HFM1: variants seen among roughly 807,000 people sequenced by gnomAD.
HFM1 encodes probable ATP-dependent DNA helicase HFM1.
In HFM1, 169 loss-of-function variants were observed where a neutral mutation model predicts 192.1. The observed-to-expected ratio is 0.88, with a 90% CI of 0.78 to 1.00. The LOEUF (loss-of-function observed/expected upper bound fraction) is 1.00. HFM1 is among the 50% of genes least tolerant of loss of function. The pLI, the probability that HFM1 is intolerant of heterozygous loss-of-function variation, is 0.00. For missense variants in HFM1, 1,661 were observed against 1,668.0 expected (o/e 1.00, Z 0.07); for synonymous variants, 525 against 537.8 (o/e 0.98, Z 0.33).
At chr1:91,375,321 A>G in intron 13 of HFM1, 37 bp downstream of exon 13, 1 of 1,488,556 alleles carries the variant, frequency 6.7e-7, no homozygotes. Context: ...GAGCCCTAAA[A>G]GTCCTTCTAC....
chr1:91,301,042 T>C (rs183622140), intron 30 of HFM1, among the ~76,000 whole-genome samples: 300 of 152,372 alleles, frequency 2.0e-3, no homozygotes, highest in Admixed American at 3.9e-3. Flanking sequence ...AACCCCATCA[T>C]CTCAGCCCAA....
In HFM1 at chr1:91,315,989, G is replaced by C; in HGVS notation, c.2983-17C>G. On this transcript the variant is annotated splice_polypyrimidine_tract_variant and intron_variant, in intron 27 of 38. Transcript: ENST00000370425. The stretch of plus-strand genomic sequence containing the variant: ...TCTTGTAATCTTTAAAAAAGGACAA[G>C]TATAAAAAGTGTTAAAAATAACCTT... 1 of 1,558,894 alleles carries C rather than the reference G, an allele frequency of 6.4e-7. No homozygotes were observed. Among genetic ancestry groups the C allele is most frequent in the Non-Finnish European group, 8.8e-7 (1 of 1,135,472 alleles).
At chr1:91,386,053 T>C (rs991287597) in intron 4 of HFM1, among the ~76,000 whole-genome samples, 17 of 152,186 alleles carry the variant, frequency 1.1e-4, no homozygotes, top group African/African-American at 4.1e-4. Flanking sequence ...GTGGCAGTCA[T>C]CCTCCAAAAC....
Position 91,314,078 on chromosome 1 carries a change from TTAAA to T in HFM1, c.3141-22_3141-19del, listed in dbSNP as rs750611936. 2 of 1,437,090 alleles carry T rather than the reference TTAAA, an allele frequency of 1.4e-6. No individual in the cohort carries two copies. The highest frequency in any genetic ancestry group is 1.2e-5 in the South Asian group (1 of 84,470). The allele number at this position is 1,437,090 out of a possible 1,614,324, so 89.0% of individuals were successfully genotyped here. A position where few individuals can be genotyped will look rare whatever the true frequency, so the allele number is the denominator to read the frequency against. On this transcript the variant is annotated intron_variant, in intron 28 of 38. Coordinates refer to ENST00000370425, the MANE Select transcript of HFM1 (RefSeq NM_001017975.6). ...CAGAATCCCTGAAAAATAGTATAGTTTAAATAGTGATCCAAACACTGAATGAAAT... is the reference window on the plus strand; with the variant it reads ...CAGAATCCCTGAAAAATAGTATAGTTTAGTGATCCAAACACTGAATGAAAT...
Position 91,273,793 on chromosome 1 carries a change from C to G in HFM1, c.3691G>C (p.Glu1231Gln). The change falls in exon 34 of 39, where the codon GAA becomes CAA. Residue 1231 changes from glutamate to glutamine, a missense_variant. By Grantham distance (29) the Glu-to-Gln change is conservative (BLOSUM62 2). Transcript: ENST00000370425. ...ISRSEYLNIS[E>Q]LPIMEQWDQP... ...TCCCACTGCTCCATTATAGGCAATT[C>G]AGATATGTTTAAATATTCTGACCTT... 6.3e-7 allele frequency: 1 copy of G among 1,585,820 alleles called. No individual in the cohort carries two copies. Among genetic ancestry groups the G allele is most frequent in the Non-Finnish European group, 8.6e-7 (1 of 1,156,660 alleles).
chr1:91,268,412 T>C (rs1665965299), intron 34 of HFM1, among the ~76,000 whole-genome samples: 1 of 152,034 alleles, frequency 6.6e-6, no homozygotes, highest in Non-Finnish European at 1.5e-5. Flanking sequence ...AGCCTGGATT[T>C]AGAGCCAAAT....
intron 6 of HFM1, among the ~76,000 whole-genome samples, chr1:91,383,926 A>T (rs75554396): frequency 5.9e-5 from 2 of 33,834 alleles, no homozygotes; most frequent in African/African-American, 1.1e-4. Flanking sequence ...TGTACTCCTT[A>T]AAAAATATAC....
intron 30 of HFM1, among the ~76,000 whole-genome samples, chr1:91,294,674 C>G (rs1333026496): frequency 6.6e-6 from 1 of 152,160 alleles, no homozygotes; most frequent in East Asian, 1.9e-4. Flanking sequence ...ACTATCTGGC[C>G]TTTTAGGAAA....
intron 30 of HFM1, among the ~76,000 whole-genome samples, chr1:91,288,851 C>A (rs955833081): frequency 1.3e-5 from 2 of 152,224 alleles, no homozygotes; most frequent in Admixed American, 1.3e-4. Context: ...TCAACAAAAC[C>A]GCCATCGTCA....
rs766558332 is a variant in HFM1 at position 91,313,444 on chromosome 1, C to T, written c.3296G>A (p.Arg1099Lys). ...KLTVFYLEPK[R>K]FGNQITMQRK... ...TTGCATAGTGATTTGATTTCCAAACCTCTTGGGTTCTAAGTAAAAGACTGT... is the reference window on the plus strand; with the variant it reads ...TTGCATAGTGATTTGATTTCCAAACTTCTTGGGTTCTAAGTAAAAGACTGT... Residue 1099 changes from arginine to lysine, a missense_variant, in exon 30 of 39, where the codon AGG (arginine) becomes AAG (lysine). Transcript: ENST00000370425. The T allele has an allele frequency of 4.4e-6, 7 of 1,601,000 alleles. No homozygotes were observed. The highest frequency in any genetic ancestry group is 1.7e-5 in the Admixed American group (1 of 58,944).
chr1:91,324,543 A>C, intron 21 of HFM1, 132 bp downstream of exon 21: 2 of 599,348 alleles, frequency 3.3e-6, no homozygotes, highest in Non-Finnish European at 6.0e-6. Flanking sequence ...ATACCAGAGG[A>C]TATATCTTAG....
At position 91,338,422 on chromosome 1, in the gene HFM1, C is replaced by T. The variant is rs551623333; in HGVS notation, c.2335+5008G>A. 2.5e-3 allele frequency among the ~76,000 whole-genome samples: 384 copies of T among 152,300 alleles called. 2 individuals carry two copies. The highest frequency in any genetic ancestry group is 6.4e-3 in the Admixed American group (98 of 15,302). Reference sequence around the variant, plus strand: ...AGTGCCCCCTGACTGCCAGCCTCTTCTGGGGTCCCTCCATGGCCAAGCTCA... The same window carrying T: ...AGTGCCCCCTGACTGCCAGCCTCTTTTGGGGTCCCTCCATGGCCAAGCTCA... On this transcript the variant is annotated intron_variant, in intron 20 of 38. Transcript: ENST00000370425.
chr1:91,276,741 T>C lies in HFM1; in HGVS notation c.3475A>G (p.Lys1159Glu). 3 of 1,384,978 alleles carry C rather than the reference T, an allele frequency of 2.2e-6. No homozygotes were observed. The highest frequency in any genetic ancestry group is 2.9e-6 in the Non-Finnish European group (3 of 1,019,500). 85.8% of individuals were successfully genotyped at this position (1,384,978 alleles called of 1,614,324 possible). A position where few individuals can be genotyped will look rare whatever the true frequency, so the allele number is the denominator to read the frequency against. ...SKHTCGHDCC[K>E]IGVAQKSEIK... ...TCTGACTTCTGTGCAACTCCAATTT[T>C]ACCTATGAAAAGAAACTTCAGATTC... Residue 1159 changes from lysine (K) to glutamate (E), a missense_variant and splice_region_variant, in exon 32 of 39, where the codon AAA (lysine) becomes GAA (glutamate). Transcript: ENST00000370425.
In HFM1 at chr1:91,392,910, G is replaced by A. The variant is rs552460250; in HGVS notation, c.494+1183C>T. On this transcript the variant is annotated intron_variant, in intron 4 of 38. Coordinates refer to ENST00000370425, the MANE Select transcript of HFM1 (RefSeq NM_001017975.6). Reference sequence around the variant, plus strand: ...CAGAAAGTAGATTAGTGGCCACCAGGTGCTGTGGAAAGGGAGAAATGAAGA... The same window carrying A: ...CAGAAAGTAGATTAGTGGCCACCAGATGCTGTGGAAAGGGAGAAATGAAGA... Among the ~76,000 whole-genome samples the A allele has an allele frequency of 1.1e-4, 17 of 152,224 alleles. 1 individual carries two copies. Among genetic ancestry groups the A allele is most frequent in the African/African-American group, 4.1e-4 (17 of 41,546 alleles).
intron 1 of HFM1, among the ~76,000 whole-genome samples, chr1:91,401,454 C>T (rs1664299220): frequency 6.6e-6 from 1 of 152,186 alleles, no homozygotes; most frequent in Admixed American, 6.5e-5. Context: ...TCTTCTTCCT[C>T]AAGGCAGAAT....
At chr1:91,281,650 T>C (rs910354970) in intron 30 of HFM1, among the ~76,000 whole-genome samples, 2 of 152,244 alleles carry the variant, frequency 1.3e-5, no homozygotes, top group African/African-American at 4.8e-5. Context: ...GGCATCTTTA[T>C]ATTACTTTCA....
At chr1:91,325,889 G>T (rs1652823638) in intron 20 of HFM1, among the ~76,000 whole-genome samples, 1 of 152,092 alleles carries the variant, frequency 6.6e-6, no homozygotes, top group Non-Finnish European at 1.5e-5. Context: ...AATTCTATCA[G>T]ATAAATTTAA....
chr1:91,284,696 A>C (rs543167967), intron 30 of HFM1, among the ~76,000 whole-genome samples: 17 of 152,336 alleles, frequency 1.1e-4, no homozygotes, highest in African/African-American at 4.1e-4. Context: ...TAATCTTCAT[A>C]TACTGAGAGC....
chr1:91,315,925 T>C lies in HFM1; in HGVS notation c.3030A>G (p.Ile1010Met). 1 of 1,597,860 alleles carries C rather than the reference T, an allele frequency of 6.3e-7. No individual in the cohort carries two copies. The highest frequency in any genetic ancestry group is 8.6e-7 in the Non-Finnish European group (1 of 1,165,808). ...TTTGTAGCTGTTCAAAATTTCTTAA[T>C]ATAACAGTCACTAATATTTCTGCCG... ...DTTAEILVTV[I>M]LRNFEQLQTK... The change falls in exon 28 of 39, where the codon ATA (isoleucine) becomes ATG (methionine). Residue 1010 changes from isoleucine to methionine, a missense_variant. Physicochemically the swap from Ile to Met is conservative, Grantham distance 10. Transcript: ENST00000370425.
Sources: allele counts gnomAD v4.1 joint callset (sites outside exome capture counted in the v4.1 genomes callset), GRCh38; gene constraint gnomAD v4.1.1; transcripts MANE v1.5; gene names NCBI Gene and HGNC (gene_info 2026-07-23, HGNC 2026-07-21).